FHOD3: variants seen among roughly 807,000 people sequenced by gnomAD.
FHOD3 encodes the protein formin homology 2 domain containing 3.
A neutral mutation model predicts 173.0 loss-of-function variants in FHOD3; 90 were observed. That is an observed-to-expected ratio of 0.52 (90% CI 0.44 to 0.62). The LOEUF (loss-of-function observed/expected upper bound fraction) is 0.62. Among genes scored for constraint, FHOD3 ranks in the 20% least tolerant of loss-of-function variants. The pLI, the probability that FHOD3 is intolerant of heterozygous loss-of-function variation, is 0.00. For synonymous variants in FHOD3, 828 were observed against 823.0 expected (o/e 1.01, Z -0.10); for missense variants, 1,945 against 2,034.7 (o/e 0.96, Z 0.85).
intron 1 of FHOD3, among the ~76,000 whole-genome samples, chr18:36,329,851 G>A (rs962305967): frequency 3.3e-5 from 5 of 152,322 alleles, no homozygotes; most frequent in Admixed American, 6.5e-5. Context: ...CATTGGGCCC[G>A]TTGCCATCAA....
chr18:36,666,142 C>T (rs1284452850), intron 14 of FHOD3, among the ~76,000 whole-genome samples: 1 of 152,266 alleles, frequency 6.6e-6, no homozygotes, highest in Non-Finnish European at 1.5e-5. Context: ...CCAGTCTCCA[C>T]AGCACACTGC....
At chr18:36,607,042 C>T (rs1040137636) in intron 8 of FHOD3, among the ~76,000 whole-genome samples, 3 of 152,152 alleles carry the variant, frequency 2.0e-5, no homozygotes, top group East Asian at 1.9e-4. Flanking sequence ...ACAGCTTTCG[C>T]GGGCTGGATT....
intron 3 of FHOD3, among the ~76,000 whole-genome samples, chr18:36,441,985 G>A (rs1279182679): frequency 6.6e-6 from 1 of 152,176 alleles, no homozygotes; most frequent in Non-Finnish European, 1.5e-5. Flanking sequence ...TAAAGCTTTG[G>A]AATAGAATAA....
intron 5 of FHOD3, among the ~76,000 whole-genome samples, chr18:36,571,266 G>T (rs2058442241): frequency 1.3e-5 from 2 of 152,146 alleles, no homozygotes; most frequent in South Asian, 4.2e-4. Flanking sequence ...AACACCGTTT[G>T]TAATAGCTCC....
chr18:36,439,996 C>T (rs912641714), intron 3 of FHOD3, among the ~76,000 whole-genome samples: 2 of 152,166 alleles, frequency 1.3e-5, no homozygotes, highest in African/African-American at 4.8e-5. Flanking sequence ...CACAGACACA[C>T]CCAGAAATAA....
intron 3 of FHOD3, among the ~76,000 whole-genome samples, chr18:36,464,113 C>T (rs551704706): frequency 6.8e-4 from 104 of 152,242 alleles, no homozygotes; most frequent in African/African-American, 2.3e-3. Context: ...CAATAGCTGA[C>T]ATTCAACTTG....
intron 3 of FHOD3, among the ~76,000 whole-genome samples, chr18:36,480,155 T>A (rs2053805092): frequency 6.6e-6 from 1 of 152,208 alleles, no homozygotes; most frequent in Admixed American, 6.5e-5. Flanking sequence ...GGTTTATCCC[T>A]TAGCCTCAGC....
At position 36,702,114 on chromosome 18, in the gene FHOD3, G is replaced by A. The variant is rs541728609; in HGVS notation, c.2237-6981G>A. On this transcript the variant is annotated intron_variant, in intron 17 of 28. Transcript: ENST00000590592. The stretch of plus-strand genomic sequence containing the variant: ...TGCCCATCCTCATGCAACTATTCCT[G>A]TAGAGCAGTGATTCTCAACCAGGGG... 3.3e-4 allele frequency among the ~76,000 whole-genome samples: 51 copies of A among 152,316 alleles called. 1 individual carries two copies. In the South Asian group the frequency reaches 5.4e-3, roughly 16 times the overall value.
Position 36,759,123 on chromosome 18 carries a change from T to G in FHOD3, c.4431T>G (p.Asp1477Glu), listed in dbSNP as rs1568742137. 6.5e-7 allele frequency: 1 copy of G among 1,535,890 alleles called. No individual in the cohort carries two copies. ...TGTCCTGTCCTCTCGGGTAGACTGA[T>G]GAGGAGGAGGAAGTTGAGGTATGAC... is the stretch of plus-strand genomic sequence containing the variant. ...KTRGKMITDT[D>E]EEEEVESGKF... The change falls in exon 26 of 29, where the codon GAT becomes GAG. Residue 1477 changes from aspartate (D) to glutamate (E), a missense_variant. Physicochemically the swap from Asp to Glu is conservative, Grantham distance 45. Transcript: ENST00000590592.
At chr18:36,539,109 A>C (rs370640961) in intron 5 of FHOD3, among the ~76,000 whole-genome samples, 2 of 152,244 alleles carry the variant, frequency 1.3e-5, no homozygotes, top group African/African-American at 4.8e-5. Context: ...CACTATCCAT[A>C]CTCAACCCAA....
intron 3 of FHOD3, among the ~76,000 whole-genome samples, chr18:36,496,261 C>T (rs2054738781): frequency 6.6e-6 from 1 of 152,168 alleles, no homozygotes; most frequent in African/African-American, 2.4e-5. Flanking sequence ...CTGTGTGGGC[C>T]TCTCTTGAAC....
intron 10 of FHOD3, among the ~76,000 whole-genome samples, chr18:36,631,352 T>G (rs1013591782): frequency 3.9e-5 from 6 of 152,242 alleles, no homozygotes; most frequent in African/African-American, 1.4e-4. Context: ...AATAGCTATG[T>G]GCCAATTTAT....
intron 1 of FHOD3, among the ~76,000 whole-genome samples, chr18:36,335,512 T>TA (rs1207667238): frequency 1.4e-5 from 2 of 147,862 alleles, no homozygotes; most frequent in Non-Finnish European, 3.0e-5. Context: ...AAAAAAAACT[T>TA]AAAAAAAATC....
intron 5 of FHOD3, among the ~76,000 whole-genome samples, chr18:36,556,170 T>G (rs2057874210): frequency 6.6e-6 from 1 of 152,186 alleles, no homozygotes; most frequent in Non-Finnish European, 1.5e-5. Flanking sequence ...AAATAGTGTC[T>G]TTTTAGCTGT....
At chr18:36,763,297 A>G (rs1009747775) in intron 27 of FHOD3, among the ~76,000 whole-genome samples, 1 of 139,816 alleles carries the variant, frequency 7.2e-6, no homozygotes, top group East Asian at 2.2e-4. Flanking sequence ...TATGCGTATT[A>G]TACACGTTAT....
At chr18:36,308,931 C>T (rs563376121) in intron 1 of FHOD3, among the ~76,000 whole-genome samples, 2 of 152,316 alleles carry the variant, frequency 1.3e-5, no homozygotes, top group East Asian at 1.9e-4. Context: ...TCCTCCCCCA[C>T]ACTGTAGGTG....
chr18:36,401,983 C>T (rs562929003), intron 3 of FHOD3, among the ~76,000 whole-genome samples: 10 of 152,272 alleles, frequency 6.6e-5, no homozygotes, highest in South Asian at 4.1e-4. Context: ...TTTATGTGGA[C>T]GTATGTCTTC....
chr18:36,623,241 C>T (rs2033847540), intron 9 of FHOD3, among the ~76,000 whole-genome samples: 1 of 152,198 alleles, frequency 6.6e-6, no homozygotes, highest in Non-Finnish European at 1.5e-5. Context: ...GTGAGTAGAA[C>T]GTCACTTGAT....
intron 3 of FHOD3, among the ~76,000 whole-genome samples, chr18:36,490,387 A>G (rs1187884818): frequency 6.6e-6 from 1 of 152,160 alleles, no homozygotes; most frequent in Non-Finnish European, 1.5e-5. Flanking sequence ...GAACTAATTC[A>G]GAATAGAGGT....
Sources: allele counts gnomAD v4.1 joint callset (sites outside exome capture counted in the v4.1 genomes callset), GRCh38; gene constraint gnomAD v4.1.1; transcripts MANE v1.5; gene names NCBI Gene and HGNC (gene_info 2026-07-23, HGNC 2026-07-21).